Variants in PPP2R5C observed in about 807,000 individuals in gnomAD.
PPP2R5C encodes the protein protein phosphatase 2 regulatory subunit B'gamma.
A neutral mutation model predicts 68.9 loss-of-function variants in PPP2R5C; 7 were observed. The observed-to-expected ratio is 0.10, with a 90% CI of 0.06 to 0.19. PPP2R5C has a LOEUF of 0.19. Ranked by LOEUF, PPP2R5C falls within the 10% of genes least tolerant of loss-of-function variation. The pLI, the probability that PPP2R5C is intolerant of heterozygous loss-of-function variation, is 1.00. For synonymous variants in PPP2R5C, 210 were observed against 222.2 expected (o/e 0.95, Z 0.49); for missense variants, 348 against 641.3 (o/e 0.54, Z 4.94).
Position 101,877,947 on chromosome 14 carries a change from G to GA in PPP2R5C, c.295-4210dup, listed in dbSNP as rs758655660. On this transcript the variant is annotated intron_variant, in intron 2 of 13. Coordinates refer to ENST00000334743, the Ensembl canonical transcript of PPP2R5C. This position sits in a 1 kb window ranked among gnomAD's most constrained non-coding sequence, Gnocchi z 4.2. ...TATCAGTCTGCTCAGGCTGCCGTAA[G>GA]AAAATACCACAGGCTGGTGGCTTAA... 8.5e-5 allele frequency among the ~76,000 whole-genome samples: 13 copies of GA among 152,232 alleles called. No individual in the cohort carries two copies. Among genetic ancestry groups the GA allele is most frequent in the Non-Finnish European group, 1.8e-4 (12 of 68,048 alleles).
chr14:101,841,845 C>T (rs1470849233), intron 1 of PPP2R5C, among the ~76,000 whole-genome samples: 2 of 152,186 alleles, frequency 1.3e-5, no homozygotes, highest in Non-Finnish European at 2.9e-5. Flanking sequence ...GTCGTGCAGT[C>T]CCTCACAGGC....
At chr14:101,808,708 G>T (rs952831118), upstream of PPP2R5C, among the ~76,000 whole-genome samples, 1 of 152,220 alleles carries the variant, frequency 6.6e-6, no homozygotes, top group Non-Finnish European at 1.5e-5. Context: ...GTGGGGGGAA[G>T]AGAGCAGGGG....
intron 1 of PPP2R5C, chr14:101,836,110 A>G (rs919992645): frequency 1.4e-5 from 9 of 659,282 alleles, no homozygotes; most frequent in Non-Finnish European, 2.5e-5. Context: ...TCAATCCACA[A>G]GCAACAATAA....
At chr14:101,853,678 G>C (rs1053846029) in intron 1 of PPP2R5C, among the ~76,000 whole-genome samples, 4 of 152,116 alleles carry the variant, frequency 2.6e-5, no homozygotes, top group African/African-American at 9.7e-5. Context: ...TTTGGCCCTC[G>C]TGTCCGTATC....
At chr14:101,853,674 C>G (rs1195941182) in intron 1 of PPP2R5C, among the ~76,000 whole-genome samples, 1 of 152,092 alleles carries the variant, frequency 6.6e-6, no homozygotes, top group Non-Finnish European at 1.5e-5. Flanking sequence ...TACATTTGGC[C>G]CTCGTGTCCG....
chr14:101,774,043 T>C (rs2037289213), intron 2 of PPP2R5C, among the ~76,000 whole-genome samples: 1 of 152,188 alleles, frequency 6.6e-6, no homozygotes, highest in South Asian at 2.1e-4. Flanking sequence ...CTGGGGTGTT[T>C]TGAGTAGGGA....
chr14:101,873,320 T>G (rs1413345465), intron 2 of PPP2R5C, among the ~76,000 whole-genome samples: 1 of 152,232 alleles, frequency 6.6e-6, no homozygotes, highest in Non-Finnish European at 1.5e-5. Context: ...TGTCTGACAT[T>G]GTGAATTTTG....
At position 101,879,631 on chromosome 14, in the gene PPP2R5C, G is replaced by A. The variant is rs538722692; in HGVS notation, c.295-2530G>A. Among the ~76,000 whole-genome samples the A allele has an allele frequency of 2.6e-5, 4 of 152,252 alleles. No homozygotes were observed. Among genetic ancestry groups the A allele is most frequent in the Admixed American group, 2.0e-4 (3 of 15,290 alleles). On this transcript the variant is annotated intron_variant, in intron 2 of 13. Coordinates refer to ENST00000334743, the Ensembl canonical transcript of PPP2R5C. The surrounding 1 kb of genome is among the most constrained non-coding windows in gnomAD (Gnocchi z 4.2). The stretch of plus-strand genomic sequence containing the variant: ...CCCCACACTGTGCTCTGCCCCTGTC[G>A]GCACCAGGCCGGGCCCACAGCTCTA...
intron 2 of PPP2R5C, among the ~76,000 whole-genome samples, chr14:101,772,282 A>G (rs2037189719): frequency 6.6e-6 from 1 of 151,996 alleles, no homozygotes; most frequent in African/African-American, 2.4e-5. Context: ...GAGGGAATGC[A>G]TGGTGAGACG....
At chr14:101,870,469 G>A (rs1041158810) in intron 2 of PPP2R5C, among the ~76,000 whole-genome samples, 1 of 152,202 alleles carries the variant, frequency 6.6e-6, no homozygotes, top group African/African-American at 2.4e-5. Flanking sequence ...AGTTGAGCAT[G>A]TTGTGAGTCT....
At chr14:101,873,985 A>C (rs538539389) in intron 2 of PPP2R5C, among the ~76,000 whole-genome samples, 1 of 152,316 alleles carries the variant, frequency 6.6e-6, no homozygotes, top group African/African-American at 2.4e-5. Flanking sequence ...CATAAACCTC[A>C]TCCTTGTTAC....
chr14:101,836,129 C>T (rs2041079627), intron 1 of PPP2R5C: 1 of 672,596 alleles, frequency 1.5e-6, no homozygotes, highest in Non-Finnish European at 2.7e-6. Context: ...AAATAAGAAA[C>T]TGAGATTTCC....
chr14:101,790,913 T>C (rs2038330643), intron 3 of PPP2R5C, among the ~76,000 whole-genome samples: 1 of 152,108 alleles, frequency 6.6e-6, no homozygotes, highest in Non-Finnish European at 1.5e-5. Flanking sequence ...ACTCCATCTT[T>C]ACTAAAAATA....
rs1419461666 is a variant in PPP2R5C, at chr14:101,777,970, A to G, written c.94-8048A>G. Among the ~76,000 whole-genome samples, 6 of 151,740 alleles carry G rather than the reference A, an allele frequency of 4.0e-5. No homozygotes were observed. In the South Asian group the frequency reaches 6.2e-4, roughly 16 times the overall value. On this transcript the variant is annotated intron_variant, in intron 2 of 14. Coordinates refer to the PPP2R5C transcript ENST00000328724. ...TTTAATGTAGAAAAGGGGTCTCACT[A>G]TATTGCCCAGACTGGTCTTGAACTT...
upstream of PPP2R5C, among the ~76,000 whole-genome samples, chr14:101,806,655 CAT>C (rs2039090757): frequency 6.6e-6 from 1 of 152,110 alleles, no homozygotes; most frequent in Non-Finnish European, 1.5e-5. Context: ...TTGGAGAGAA[CAT>C]ACAGAAATTT....
chr14:101,859,141 G>C (rs2042610507), intron 2 of PPP2R5C, among the ~76,000 whole-genome samples: 1 of 152,226 alleles, frequency 6.6e-6, no homozygotes, highest in Admixed American at 6.5e-5. Flanking sequence ...ACGTTTTGGG[G>C]TGAGGAAATA....
At chr14:101,800,970 C>G (rs959414579) in intron 3 of PPP2R5C, among the ~76,000 whole-genome samples, 2 of 152,030 alleles carry the variant, frequency 1.3e-5, no homozygotes, top group African/African-American at 4.8e-5. Context: ...AAGCCAGGCA[C>G]AGAGAGACAA....
chr14:101,878,415 G>A (rs1048337420), intron 2 of PPP2R5C, among the ~76,000 whole-genome samples: 5 of 152,226 alleles, frequency 3.3e-5, no homozygotes, highest in South Asian at 4.1e-4. Flanking sequence ...TGTTTGAGAC[G>A]GGGCCTAGCT....
intron 13 of PPP2R5C, chr14:101,922,286 C>T (rs903072405): frequency 7.0e-5 from 48 of 689,844 alleles, no homozygotes; most frequent in Non-Finnish European, 8.0e-5. Flanking sequence ...GTCAGGAGTT[C>T]GAGACCAGCC....
Sources: gnomAD v4.1 joint callset for allele counts (sites outside exome capture counted in the v4.1 genomes callset) on GRCh38, gnomAD v4.1.1 for gene constraint, Gnocchi (gnomAD v3.1) non-coding constraint, MANE v1.5 for transcripts, NCBI Gene and HGNC (gene_info 2026-07-23, HGNC 2026-07-21) for gene names.